Variants in SLC25A26 observed in about 807,000 individuals in gnomAD.
SLC25A26 encodes mitochondrial S-adenosylmethionine carrier protein.
In SLC25A26, 36 loss-of-function variants were observed where a neutral mutation model predicts 37.8. That is an observed-to-expected ratio of 0.95 (90% CI 0.73 to 1.26). The LOEUF is 1.26. Among genes scored for constraint, SLC25A26 ranks in the 50% most tolerant of loss-of-function variants. The pLI, the probability that SLC25A26 is intolerant of heterozygous loss-of-function variation, is 0.00. For missense variants in SLC25A26, 390 were observed against 331.1 expected, an observed-to-expected ratio of 1.18 and a Z score of -1.38; for synonymous variants, 129 against 122.5, an observed-to-expected ratio of 1.05 and a Z score of -0.35.
chr3:66,152,854 A>G lies in SLC25A26; in HGVS notation c.-354+18870A>G, dbSNP rs575749975. Among the ~76,000 whole-genome samples the G allele has an allele frequency of 3.9e-5, 6 of 152,320 alleles. No homozygotes were observed. In the South Asian group the frequency reaches 1.0e-3, roughly 26 times the overall value. On this transcript the variant is annotated intron_variant, in intron 1 of 10. Transcript: ENST00000676754. ...GTACATTCCATGAAATCACAAACAC[A>G]TACATGGACCCTTGCCTTCAAGCAT...
chr3:66,231,780 G>C lies in SLC25A26; in HGVS notation c.34-4764G>C, dbSNP rs368226588. The stretch of plus-strand genomic sequence containing the variant: ...TTTACCTCATTTTTTTTTTTTTTTT[G>C]ATTAGAGACAGGATCTTGCTCTGTT... On this transcript the variant is annotated intron_variant, in intron 1 of 9. Transcript: ENST00000354883. Among the ~76,000 whole-genome samples, 67 of 36,994 alleles carry C rather than the reference G, an allele frequency of 1.8e-3. 1 individual carries two copies. In the Middle Eastern group the frequency reaches 0.067, roughly 37 times the overall value. 24.3% of individuals were successfully genotyped at this position (36,994 alleles called of 152,430 possible). A position where few individuals can be genotyped will look rare whatever the true frequency, so the allele number is the denominator to read the frequency against.
intron 1 of SLC25A26, among the ~76,000 whole-genome samples, chr3:66,174,064 A>C (rs553824048): frequency 6.6e-6 from 1 of 152,252 alleles, no homozygotes; most frequent in African/African-American, 2.4e-5. Flanking sequence ...AAAAAGAAAA[A>C]AAAAAAACAT....
At chr3:66,330,111 A>G (rs1361265525) in intron 5 of SLC25A26, among the ~76,000 whole-genome samples, 1 of 152,138 alleles carries the variant, frequency 6.6e-6, no homozygotes, top group Admixed American at 6.5e-5. Context: ...AGGAGCTTCC[A>G]GTAAGTTAGC....
intron 1 of SLC25A26, among the ~76,000 whole-genome samples, chr3:66,194,403 A>G (rs1238252982): frequency 6.6e-6 from 1 of 152,170 alleles, no homozygotes; most frequent in South Asian, 2.1e-4. Flanking sequence ...TCATTTTACT[A>G]GAACTGCACT....
At chr3:66,371,347 T>C (rs776073219) in intron 9 of SLC25A26, 86 of 1,543,700 alleles carry the variant, frequency 5.6e-5, no homozygotes, top group Non-Finnish European at 7.4e-5. Context: ...CTTATGTGAT[T>C]GTAGTTTTTG....
chr3:66,140,497 T>G (rs1032900215), intron 1 of SLC25A26, among the ~76,000 whole-genome samples: 2 of 152,120 alleles, frequency 1.3e-5, no homozygotes, highest in African/African-American at 2.4e-5. Flanking sequence ...CTTCAACCAG[T>G]GCACTTCAGA....
chr3:66,174,069 A>G (rs576966235), intron 1 of SLC25A26, among the ~76,000 whole-genome samples: 7 of 152,224 alleles, frequency 4.6e-5, no homozygotes, highest in African/African-American at 1.7e-4. Context: ...GAAAAAAAAA[A>G]AACATGAAAG....
At chr3:66,318,915 G>T (rs1380036750) in intron 5 of SLC25A26, among the ~76,000 whole-genome samples, 1 of 152,130 alleles carries the variant, frequency 6.6e-6, no homozygotes, top group Admixed American at 6.5e-5. Context: ...CTCCCAAAGT[G>T]CTGGGATTAC....
At chr3:66,334,372 T>C (rs2076047212) in intron 5 of SLC25A26, among the ~76,000 whole-genome samples, 1 of 152,192 alleles carries the variant, frequency 6.6e-6, no homozygotes, top group South Asian at 2.1e-4. Context: ...TGGAGTGCAG[T>C]GGCATGATCT....
Position 66,360,871 on chromosome 3 carries a change from A to G in SLC25A26, c.499-1989A>G, listed in dbSNP as rs1287069870. Among the ~76,000 whole-genome samples, 3 of 152,230 alleles carry G rather than the reference A, an allele frequency of 2.0e-5. No homozygotes were observed. In the East Asian group the frequency reaches 5.8e-4, roughly 29 times the overall value. On this transcript the variant is annotated intron_variant, in intron 6 of 9. Transcript: ENST00000354883. ...TTTGGTGCCTCCCAATCACAGTCTT[A>G]GCAGGTTATTTCGTAGGAATTGATA...
At chr3:66,210,489 C>G (rs2071269559) in intron 1 of SLC25A26, among the ~76,000 whole-genome samples, 3 of 151,866 alleles carry the variant, frequency 2.0e-5, no homozygotes, top group Admixed American at 2.0e-4. Flanking sequence ...TGCAAATGTC[C>G]TGAGGCTGAA....
chr3:66,294,149 A>G (rs972495988), intron 5 of SLC25A26, among the ~76,000 whole-genome samples: 9 of 152,068 alleles, frequency 5.9e-5, no homozygotes, highest in African/African-American at 2.2e-4. Context: ...GATTCTTCCT[A>G]CTCATAAGCA....
chr3:66,314,602 G>A (rs1202427703), intron 5 of SLC25A26, among the ~76,000 whole-genome samples: 1 of 152,066 alleles, frequency 6.6e-6, no homozygotes, highest in African/African-American at 2.4e-5. Flanking sequence ...ATGTCTGCCA[G>A]GTTTTGGTAT....
At chr3:66,295,535 G>A (rs1489273491) in intron 5 of SLC25A26, among the ~76,000 whole-genome samples, 1 of 151,706 alleles carries the variant, frequency 6.6e-6, no homozygotes, top group Non-Finnish European at 1.5e-5. Flanking sequence ...CTGAGTAGCT[G>A]GGACTACAGG....
At chr3:66,271,736 A>G (rs1230842406) in intron 5 of SLC25A26, among the ~76,000 whole-genome samples, 2 of 152,142 alleles carry the variant, frequency 1.3e-5, no homozygotes, top group Non-Finnish European at 2.9e-5. Flanking sequence ...TCATCTCTTC[A>G]GAAAGAAGAC....
intron 1 of SLC25A26, among the ~76,000 whole-genome samples, chr3:66,228,604 T>C (rs2071868048): frequency 6.6e-6 from 1 of 152,218 alleles, no homozygotes; most frequent in Non-Finnish European, 1.5e-5. Context: ...CTGAAAAATA[T>C]GGTCCCCCAC....
rs547874165 is a variant in SLC25A26 at position 66,363,045 on chromosome 3, C to T, written c.568+116C>T. ...CCAGGTTGTTTAGATGAAGAGCGCT[C>T]CACTAGTTGTTTGAGAAAAGAACGT... On this transcript the variant is annotated intron_variant, in intron 7 of 9. Transcript: ENST00000354883. The T allele has an allele frequency of 3.1e-4, 149 of 475,472 alleles. No homozygotes were observed. The East Asian group carries it at 5.2e-3, about 17-fold the overall frequency. 29.5% of individuals were successfully genotyped at this position (475,472 alleles called of 1,614,324 possible). A position where few individuals can be genotyped will look rare whatever the true frequency, so the allele number is the denominator to read the frequency against.
chr3:66,251,890 A>AT (rs1040172954), intron 3 of SLC25A26, among the ~76,000 whole-genome samples: 11 of 152,008 alleles, frequency 7.2e-5, no homozygotes, highest in African/African-American at 2.2e-4. Flanking sequence ...TATTTCATTG[A>AT]TTTTTTTATT....
At chr3:66,257,741 C>T (rs2073360704) in intron 3 of SLC25A26, among the ~76,000 whole-genome samples, 2 of 152,100 alleles carry the variant, frequency 1.3e-5, no homozygotes, top group Admixed American at 6.5e-5. Context: ...ACCCTGTGGC[C>T]CTCTTAACTC....
Sources: gnomAD v4.1 joint callset for allele counts (sites outside exome capture counted in the v4.1 genomes callset) on GRCh38, gnomAD v4.1.1 for gene constraint, MANE v1.5 for transcripts, NCBI Gene and HGNC (gene_info 2026-07-23, HGNC 2026-07-21) for gene names.